The following TGM7 variants were observed in gnomAD, a reference collection of about 807,000 sequenced individuals.
TGM7 encodes transglutaminase 7.
In TGM7, 74 loss-of-function variants were observed where a neutral mutation model predicts 79.5. The ratio of observed to expected loss-of-function variants is 0.93; its 90% CI spans 0.77 to 1.13. The LOEUF (loss-of-function observed/expected upper bound fraction) is 1.13, where lower values mean the gene tolerates loss of function less well. TGM7 is among the 50% of genes most tolerant of loss of function. The pLI is 0.00. For synonymous variants in TGM7, 354 were observed against 362.5 expected (o/e 0.98, Z 0.27); for missense variants, 912 against 905.9 (o/e 1.01, Z -0.09).
intron 4 of TGM7, among the ~76,000 whole-genome samples, chr15:43,290,683 C>A (rs2042959520): frequency 6.6e-6 from 1 of 152,196 alleles, no homozygotes; most frequent in Non-Finnish European, 1.5e-5. Flanking sequence ...AGTACTGATT[C>A]TTCCTACCCA....
chr15:43,287,719 T>C, intron 4 of TGM7, 50 bp from the exon 5 acceptor site: 5 of 1,569,982 alleles, frequency 3.2e-6, no homozygotes, highest in Non-Finnish European at 4.3e-6. Context: ...ATGTCTAGAC[T>C]TCTGAAACTT....
intron 8 of TGM7, 55 bp from the exon 9 acceptor site, chr15:43,282,141 T>C (rs1252968556): frequency 3.3e-5 from 53 of 1,598,768 alleles, no homozygotes; most frequent in Non-Finnish European, 4.4e-5. Flanking sequence ...GTTGTGGCTG[T>C]GGGAGGTGGA....
In TGM7 at chr15:43,292,075, A is replaced by C. The variant is rs2042966245; in HGVS notation, c.462T>G (p.Ser154Arg). 6.2e-7 allele frequency: 1 copy of C among 1,613,788 alleles called. No individual in the cohort carries two copies. Among genetic ancestry groups the C allele is most frequent in the African/African-American group, 1.3e-5 (1 of 74,924 alleles). ...TGATATACTCCTGCAGCAGTATTTC[A>C]CTTGGCAGGTAGACGTCGTCCTCTG... ...WSPEDDVYLP[S>R]EILLQEYIMR... Residue 154 changes from serine (S) to arginine (R), a missense_variant, in exon 4 of 13, where the codon AGT (serine) becomes AGG (arginine). By Grantham distance (110) the Ser-to-Arg change is moderately radical (BLOSUM62 -1). Transcript: ENST00000452443.
intron 7 of TGM7, 127 bp from the exon 8 acceptor site, chr15:43,282,747 T>A: frequency 3.8e-6 from 3 of 786,878 alleles, no homozygotes; most frequent in Non-Finnish European, 6.1e-6. Flanking sequence ...AATTTCATAC[T>A]AAAAGTCACA....
Position 43,293,614 on chromosome 15 carries a change from CA to C in TGM7, c.27del (p.Glu10SerfsTer36). 1 of 1,604,996 alleles carries C rather than the reference CA, an allele frequency of 6.2e-7. No homozygotes were observed. Among genetic ancestry groups the C allele is most frequent in the South Asian group, 1.1e-5 (1 of 90,590 alleles). On this transcript the variant is annotated frameshift_variant, in exon 2 of 13. Coordinates refer to ENST00000452443, the MANE Select transcript of TGM7 (RefSeq NM_052955.3). LOFTEE classifies it high-confidence loss of function. MDQVATLR[L>X]ESVDLQSSRN... ...CTGGAGCTCTGCAGGTCGACAGACT[CA>C]AGCCGCAAGGTTGCCACTAGGGGAG...
intron 3 of TGM7, 87 bp from the exon 4 acceptor site, chr15:43,292,184 T>G: frequency 1.1e-6 from 1 of 910,296 alleles, no homozygotes; most frequent in Non-Finnish European, 1.8e-6. Context: ...ACAACGTGTT[T>G]CTGGAAAACA....
intron 9 of TGM7, among the ~76,000 whole-genome samples, chr15:43,281,003 T>C (rs1343773595): frequency 1.3e-5 from 2 of 152,172 alleles, no homozygotes; most frequent in South Asian, 2.1e-4. Flanking sequence ...CAGGTTCAGA[T>C]TGTTACTGAC....
chr15:43,284,414 A>G (rs1373403160), intron 7 of TGM7, among the ~76,000 whole-genome samples: 1 of 152,192 alleles, frequency 6.6e-6, no homozygotes, highest in Non-Finnish European at 1.5e-5. Flanking sequence ...GGTTGGGCAG[A>G]GGAAGAAGTC....
In TGM7 at chr15:43,282,090, T is replaced by C. The variant is rs1286543165; in HGVS notation, c.1109-4A>G. On this transcript the variant is annotated splice_region_variant and splice_polypyrimidine_tract_variant and intron_variant, in intron 8 of 12. Coordinates refer to ENST00000452443, the MANE Select transcript of TGM7 (RefSeq NM_052955.3). ...GCAGGGCCACAGCAGAACAGCCCTG[T>C]GGAGGCAACAGGCTACTGATATGGG... 6.2e-7 allele frequency: 1 copy of C among 1,613,678 alleles called. No homozygotes were observed. The highest frequency in any genetic ancestry group is 1.7e-5 in the Admixed American group (1 of 60,002).
intron 11 of TGM7, among the ~76,000 whole-genome samples, chr15:43,277,460 A>C (rs2042883894): frequency 6.6e-6 from 1 of 152,206 alleles, no homozygotes; most frequent in East Asian, 1.9e-4. Flanking sequence ...ATCACCGAGG[A>C]AACAGTGAGG....
intron 1 of TGM7, among the ~76,000 whole-genome samples, chr15:43,294,001 G>C (rs1026162736): frequency 1.3e-5 from 2 of 151,820 alleles, no homozygotes; most frequent in Admixed American, 6.6e-5. Flanking sequence ...CAATGATCAA[G>C]GATTGGGGTC....
chr15:43,281,467 T>G (rs2042908536), intron 9 of TGM7, among the ~76,000 whole-genome samples: 1 of 152,212 alleles, frequency 6.6e-6, no homozygotes, highest in South Asian at 2.1e-4. Context: ...ACAAATTATT[T>G]TTAGTATAGT....
intron 7 of TGM7, among the ~76,000 whole-genome samples, chr15:43,283,480 C>CTTTTTCT (rs2042919776): frequency 6.6e-6 from 1 of 151,408 alleles, no homozygotes; most frequent in African/African-American, 2.4e-5. Context: ...CTCTCTTTTT[C>CTTTTTCT]TTTTTTTTTG....
intron 1 of TGM7, among the ~76,000 whole-genome samples, chr15:43,296,892 C>T (rs1043108995): frequency 1.3e-5 from 2 of 151,944 alleles, no homozygotes; most frequent in Non-Finnish European, 2.9e-5. Context: ...CTTAAGAAAA[C>T]AAAGGGAAGG....
chr15:43,279,181 T>C lies in TGM7; in HGVS notation c.1775A>G (p.Glu592Gly). 3 of 1,614,174 alleles carry C rather than the reference T, an allele frequency of 1.9e-6. No individual in the cohort carries two copies. The highest frequency in any genetic ancestry group is 2.5e-6 in the Non-Finnish European group (3 of 1,180,030). Reference sequence around the variant, plus strand: ...TAGGACCAGCATGGACCTCCCTGTCTCTTCAACCTCCGCGATGCCAGACAC... The same window carrying C: ...TAGGACCAGCATGGACCTCCCTGTCCCTTCAACCTCCGCGATGCCAGACAC... The part of the protein sequence containing the change: ...IRVSGIAEVE[E>G]TGRSMLVLKD... Residue 592 changes from glutamate to glycine, a missense_variant, in exon 11 of 13, where the codon GAG becomes GGG. Physicochemically the swap from Glu to Gly is moderately conservative, Grantham distance 98 (BLOSUM62 -2). Transcript: ENST00000452443.
In TGM7 at chr15:43,276,330, CAG is replaced by C. The variant is rs1460797702; in HGVS notation, c.*123_*124del. On this transcript the variant is annotated 3_prime_UTR_variant, in exon 13 of 13. Coordinates refer to ENST00000452443, the MANE Select transcript of TGM7 (RefSeq NM_052955.3). Reference sequence around the variant, plus strand: ...TTCCCAAAGCACACGGTGTTTCTAACAGAGCTTCATTCATTCCCAGGCAGGCT... The same window carrying C: ...TTCCCAAAGCACACGGTGTTTCTAACAGCTTCATTCATTCCCAGGCAGGCT... 5 of 1,146,906 alleles carry C rather than the reference CAG, an allele frequency of 4.4e-6. No individual in the cohort carries two copies. The Admixed American group carries it at 1.2e-4, about 27-fold the overall frequency. The allele number at this position is 1,146,906 out of a possible 1,614,324, so 71.0% of individuals were successfully genotyped here. A position where few individuals can be genotyped will look rare whatever the true frequency, so the allele number is the denominator to read the frequency against.
In TGM7 at chr15:43,279,860, C is replaced by G; in HGVS notation, c.1443G>C (p.Glu481Asp). 6.2e-7 allele frequency: 1 copy of G among 1,614,236 alleles called. No individual in the cohort carries two copies. Residue 481 changes from glutamate (E) to aspartate (D), a missense_variant, in exon 10 of 13, where the codon GAG becomes GAC. Physicochemically the swap from Glu to Asp is conservative, Grantham distance 45. Coordinates refer to ENST00000452443, the MANE Select transcript of TGM7 (RefSeq NM_052955.3). Reference protein sequence around the residue: ...RASLPFLDLLESGGLRDQPAQ... With the variant: ...RASLPFLDLLDSGGLRDQPAQ... ...CTGGCTGATCCCTAAGACCCCCAGA[C>G]TCCAGGAGATCCAGGAAGGGCAAAG...
intron 6 of TGM7, 58 bp from the exon 7 acceptor site, chr15:43,285,010 C>A: frequency 6.2e-7 from 1 of 1,600,042 alleles, no homozygotes. Flanking sequence ...TATTGGTTTT[C>A]CATGCATAAT....
At chr15:43,282,835 G>A (rs955898625) in intron 7 of TGM7, among the ~76,000 whole-genome samples, 2 of 152,190 alleles carry the variant, frequency 1.3e-5, no homozygotes, top group Non-Finnish European at 2.9e-5. Flanking sequence ...CGGATCACGA[G>A]GTCAGGAGAT....
Sources: gnomAD v4.1 joint callset for allele counts (sites outside exome capture counted in the v4.1 genomes callset) on GRCh38, gnomAD v4.1.1 for gene constraint, MANE v1.5 for transcripts, NCBI Gene and HGNC (gene_info 2026-07-23, HGNC 2026-07-21) for gene names.